Variants in ADAM12 observed in about 807,000 individuals in gnomAD.
ADAM12 encodes ADAM metallopeptidase domain 12.
ADAM12 carries 70 observed loss-of-function variants against 106.4 expected under a neutral mutation model. The observed-to-expected ratio is 0.66, with a 90% CI of 0.54 to 0.80. The LOEUF is 0.80. ADAM12 is among the 30% of genes least tolerant of loss of function. The pLI, the probability that ADAM12 is intolerant of heterozygous loss-of-function variation, is 0.00. For missense variants in ADAM12, 1,010 were observed against 1,171.9 expected, an observed-to-expected ratio of 0.86 and a Z score of 2.02; for synonymous variants, 420 against 433.5, an observed-to-expected ratio of 0.97 and a Z score of 0.39.
Position 126,064,553 on chromosome 10 carries a change from C to G in ADAM12, c.1609+253G>C, listed in dbSNP as rs1170642861. ...CCCCCGGGGCGCACAGTAGGTGCTCCTGCAGCTCCTGTTGGACCGCACTGA... is the reference window on the plus strand; with the variant it reads ...CCCCCGGGGCGCACAGTAGGTGCTCGTGCAGCTCCTGTTGGACCGCACTGA... On this transcript the variant is annotated intron_variant, in intron 14 of 22. Transcript: ENST00000448723. This position sits in a 1 kb window ranked among gnomAD's most constrained non-coding sequence, Gnocchi z 4.4. 4.6e-6 allele frequency: 2 copies of G among 431,914 alleles called. No individual in the cohort carries two copies. The highest frequency in any genetic ancestry group is 8.3e-6 in the Non-Finnish European group (2 of 240,730). 26.8% of individuals were successfully genotyped at this position (431,914 alleles called of 1,614,324 possible).
chr10:126,304,757 G>T (rs532540272), intron 2 of ADAM12, among the ~76,000 whole-genome samples: 1 of 151,550 alleles, frequency 6.6e-6, no homozygotes, highest in Admixed American at 6.6e-5. Flanking sequence ...TCACCTTAAC[G>T]CACGTAAAAA....
intron 2 of ADAM12, among the ~76,000 whole-genome samples, chr10:126,290,655 G>T (rs1345009972): frequency 1.3e-5 from 2 of 152,094 alleles, no homozygotes; most frequent in Non-Finnish European, 2.9e-5. Flanking sequence ...CCCTTTTCAT[G>T]CTTTTTATAG....
chr10:126,367,653 A>C (rs1855958554), intron 1 of ADAM12, among the ~76,000 whole-genome samples: 2 of 152,014 alleles, frequency 1.3e-5, no homozygotes, highest in Non-Finnish European at 2.9e-5. Flanking sequence ...TAGCAGGATG[A>C]AAAAAATGAG....
At chr10:126,170,721 G>T (rs1393036203) in intron 3 of ADAM12, among the ~76,000 whole-genome samples, 4 of 152,170 alleles carry the variant, frequency 2.6e-5, no homozygotes, top group Non-Finnish European at 4.4e-5. Flanking sequence ...TCGCTGTTGG[G>T]TTCTTTATAT....
intron 2 of ADAM12, among the ~76,000 whole-genome samples, chr10:126,300,075 G>C (rs1019402376): frequency 2.0e-5 from 3 of 152,122 alleles, no homozygotes; most frequent in Non-Finnish European, 2.9e-5. Context: ...TTCATAAATG[G>C]ATCGTGTGAC....
intron 4 of ADAM12, among the ~76,000 whole-genome samples, chr10:126,136,326 C>T (rs1461782984): frequency 3.3e-5 from 5 of 152,092 alleles, no homozygotes; most frequent in East Asian, 3.8e-4. Flanking sequence ...GATATCAGTC[C>T]GGAATCAAGG....
chr10:126,107,637 A>G (rs1185830355), intron 8 of ADAM12, among the ~76,000 whole-genome samples: 1 of 152,178 alleles, frequency 6.6e-6, no homozygotes, highest in Non-Finnish European at 1.5e-5. Context: ...ATCCCTTCTC[A>G]CACTGTCCCC....
chr10:126,136,590 A>G (rs914158496), intron 4 of ADAM12, among the ~76,000 whole-genome samples: 1 of 152,222 alleles, frequency 6.6e-6, no homozygotes, highest in African/African-American at 2.4e-5. Context: ...GACAACAGTC[A>G]TGCACTTTGT....
At chr10:126,148,855 C>A (rs1956677033) in intron 4 of ADAM12, among the ~76,000 whole-genome samples, 1 of 22,902 alleles carries the variant, frequency 4.4e-5, no homozygotes, top group Non-Finnish European at 7.8e-5. Context: ...ACCTCTTTCC[C>A]CTTCTTCCCA....
chr10:126,160,692 C>A (rs1311014441), intron 3 of ADAM12, among the ~76,000 whole-genome samples: 1 of 152,204 alleles, frequency 6.6e-6, no homozygotes, highest in Non-Finnish European at 1.5e-5. Flanking sequence ...GCTGTCCCTG[C>A]TAAAACTCTT....
At chr10:126,348,446 A>G (rs550962890) in intron 1 of ADAM12, among the ~76,000 whole-genome samples, 2 of 152,256 alleles carry the variant, frequency 1.3e-5, no homozygotes, top group South Asian at 4.1e-4. Flanking sequence ...AATGGGCCCA[A>G]GCATGCCTTT....
intron 3 of ADAM12, among the ~76,000 whole-genome samples, chr10:126,171,301 C>T (rs7089974): frequency 0.37 from 56,764 of 151,888 alleles, 10,979 homozygotes; most frequent in Non-Finnish European, 0.43. Flanking sequence ...ATGCAATACA[C>T]GACAAAATAT....
chr10:126,218,525 G>A (rs1467128270), intron 3 of ADAM12, among the ~76,000 whole-genome samples: 2 of 152,158 alleles, frequency 1.3e-5, no homozygotes, highest in African/African-American at 4.8e-5. Flanking sequence ...CCTCCCTGCA[G>A]GTGCTTGGGT....
At chr10:126,386,297 G>A (rs1856657147) in intron 1 of ADAM12, among the ~76,000 whole-genome samples, 1 of 152,186 alleles carries the variant, frequency 6.6e-6, no homozygotes, top group East Asian at 1.9e-4. Context: ...GTACAGACAA[G>A]GCTAGGGAGA....
rs142488050 is a variant in ADAM12, at chr10:126,388,357, T to TGCGC, written c.-216_-213dup. The TGCGC allele has an allele frequency of 2.2e-5, 14 of 643,854 alleles. No homozygotes were observed. The highest frequency in any genetic ancestry group is 7.9e-5 in the South Asian group (1 of 12,722). 39.9% of individuals were successfully genotyped at this position (643,854 alleles called of 1,614,324 possible). On this transcript the variant is annotated 5_prime_UTR_variant, in exon 1 of 23. Transcript: ENST00000448723. This position sits in a 1 kb window ranked among gnomAD's most constrained non-coding sequence, Gnocchi z 4.4. Reference sequence around the variant, plus strand: ...GTTTCCCCCCGTGTGTGTGCGTGCGTGCGCGCGCGCGCGCCGTTCTGGCAC... The same window carrying TGCGC: ...GTTTCCCCCCGTGTGTGTGCGTGCGTGCGCGCGCGCGCGCGCGCCGTTCTGGCAC...
At chr10:126,380,993 C>T (rs941325293) in intron 1 of ADAM12, among the ~76,000 whole-genome samples, 1 of 152,176 alleles carries the variant, frequency 6.6e-6, no homozygotes, top group Non-Finnish European at 1.5e-5. Flanking sequence ...ACAGCATCAT[C>T]TACACCAGGA....
intron 2 of ADAM12, among the ~76,000 whole-genome samples, chr10:126,288,864 G>C (rs1210982216): frequency 6.6e-6 from 1 of 151,082 alleles, no homozygotes; most frequent in Non-Finnish European, 1.5e-5. Flanking sequence ...CAGGGGAAAG[G>C]ATCATGTGGT....
At chr10:126,146,942 G>C (rs796881705) in intron 4 of ADAM12, among the ~76,000 whole-genome samples, 8 of 152,248 alleles carry the variant, frequency 5.3e-5, no homozygotes, top group African/African-American at 1.9e-4. Context: ...CTTTCTAACT[G>C]TAATGAACTG....
intron 1 of ADAM12, among the ~76,000 whole-genome samples, chr10:126,364,655 T>C (rs1193598983): frequency 1.3e-5 from 2 of 152,188 alleles, no homozygotes; most frequent in African/African-American, 2.4e-5. Flanking sequence ...AAAAGGGTAG[T>C]GCTCATATAT....
Sources: gnomAD v4.1 joint callset for allele counts (sites outside exome capture counted in the v4.1 genomes callset) on GRCh38, gnomAD v4.1.1 for gene constraint, Gnocchi (gnomAD v3.1) non-coding constraint, MANE v1.5 for transcripts, NCBI Gene and HGNC (gene_info 2026-07-23, HGNC 2026-07-21) for gene names.